IL1RAPL1: variants seen among roughly 807,000 people sequenced by gnomAD.
IL1RAPL1 encodes the protein interleukin-1 receptor accessory protein-like 1.
A neutral mutation model predicts 48.4 loss-of-function variants in IL1RAPL1; 3 were observed. The ratio of observed to expected loss-of-function variants is 0.06; its 90% CI spans 0.03 to 0.16. The LOEUF (loss-of-function observed/expected upper bound fraction) is 0.16. Among genes scored for constraint, IL1RAPL1 ranks in the 10% least tolerant of loss-of-function variants. IL1RAPL1 has a pLI of 1.00. For missense variants in IL1RAPL1, 349 were observed against 530.6 expected, an observed-to-expected ratio of 0.66 and a Z score of 3.36; for synonymous variants, 185 against 187.7, an observed-to-expected ratio of 0.99 and a Z score of 0.12.
intron 5 of IL1RAPL1, among the ~76,000 whole-genome samples, chrX:29,639,399 A>G: frequency 9.0e-6 from 1 of 110,986 alleles, no homozygotes. Flanking sequence ...GAATCTATGC[A>G]TAGTGTGGTG....
chrX:28,964,822 T>C (rs1366001872), intron 2 of IL1RAPL1, among the ~76,000 whole-genome samples: 2 of 111,742 alleles, frequency 1.8e-5, no homozygotes. Flanking sequence ...TTTCCATAAT[T>C]CTTTTTTTTC....
intron 5 of IL1RAPL1, among the ~76,000 whole-genome samples, chrX:29,446,019 C>G (rs1453326108): frequency 1.8e-5 from 2 of 112,057 alleles, no homozygotes; most frequent in Admixed American, 1.9e-4. Context: ...GAAAACTGCT[C>G]AAATTGAGAG....
chrX:28,918,985 A>G (rs1049585968), intron 2 of IL1RAPL1, among the ~76,000 whole-genome samples: 7 of 111,445 alleles, frequency 6.3e-5, no homozygotes, highest in Non-Finnish European at 1.3e-4. Context: ...ACTTGCTACT[A>G]AGTGGTGAAT....
At chrX:29,600,583 G>T (rs1923691372) in intron 5 of IL1RAPL1, among the ~76,000 whole-genome samples, 1 of 111,674 alleles carries the variant, frequency 9.0e-6, no homozygotes, top group Non-Finnish European at 1.9e-5. Context: ...GAGACACGTG[G>T]TTAAGTATTC....
At chrX:29,047,675 C>CA (rs1291050148) in intron 2 of IL1RAPL1, among the ~76,000 whole-genome samples, 3 of 110,142 alleles carry the variant, frequency 2.7e-5, no homozygotes, top group African/African-American at 9.9e-5. Flanking sequence ...CCACAGAGCC[C>CA]AAGTAATGTT....
At chrX:28,774,649 C>G in intron 1 of IL1RAPL1, among the ~76,000 whole-genome samples, 1 of 111,838 alleles carries the variant, frequency 8.9e-6, no homozygotes, top group Non-Finnish European at 1.9e-5. Flanking sequence ...AACTTAATCT[C>G]AGAAATGACA....
chrX:29,114,406 C>A (rs950366809), intron 2 of IL1RAPL1, among the ~76,000 whole-genome samples: 1 of 111,976 alleles, frequency 8.9e-6, no homozygotes, highest in South Asian at 3.7e-4. Context: ...GGCATACTTC[C>A]TTCATGGCTT....
At chrX:29,831,924 T>C (rs1159252757) in intron 6 of IL1RAPL1, among the ~76,000 whole-genome samples, 1 of 111,951 alleles carries the variant, frequency 8.9e-6, no homozygotes, top group Non-Finnish European at 1.9e-5. Flanking sequence ...TATTTATGAT[T>C]GTAGTTAATA....
intron 2 of IL1RAPL1, among the ~76,000 whole-genome samples, chrX:29,147,731 CA>C (rs1430653496): frequency 1.8e-5 from 2 of 111,961 alleles, no homozygotes; most frequent in African/African-American, 3.2e-5. Context: ...CTACCACATA[CA>C]AAGACTATTT....
intron 5 of IL1RAPL1, among the ~76,000 whole-genome samples, chrX:29,620,073 TAAATG>T (rs769129516): frequency 1.3e-4 from 15 of 111,813 alleles, no homozygotes; most frequent in Non-Finnish European, 2.5e-4. Flanking sequence ...AACAAAAAAT[TAAATG>T]TAAGGGTCAA....
Position 29,283,071 on chromosome X carries a change from C to T in IL1RAPL1, c.216C>T (p.Leu72=), listed in dbSNP as rs773831867. The change falls in exon 3 of 11, where the codon CTC becomes CTT. Residue 72 remains leucine, a synonymous_variant. Coordinates refer to ENST00000378993, the MANE Select transcript of IL1RAPL1 (RefSeq NM_014271.4). ...ACTCCCTTGCCCAAAGTGCTGGACT[C>T]AGTTTGATGTGGTACAAAAGTTCTG... The part of the protein sequence containing the change: ...TNYSLAQSAG[L]SLMWYKSSGP... 3.1e-5 allele frequency: 38 copies of T among 1,209,811 alleles called. No homozygotes were observed. The South Asian group carries it at 6.7e-4, about 21-fold the overall frequency.
chrX:29,918,144 A>AAAAAATAT (rs1555935868), intron 7 of IL1RAPL1, among the ~76,000 whole-genome samples: 1 of 23,761 alleles, frequency 4.2e-5, no homozygotes, highest in Non-Finnish European at 6.6e-5. Flanking sequence ...AAAAAAAAAA[A>AAAAAATAT]ATATATATAT....
At chrX:29,710,003 A>ACTT (rs1465342674) in intron 6 of IL1RAPL1, among the ~76,000 whole-genome samples, 1 of 111,917 alleles carries the variant, frequency 8.9e-6, no homozygotes, top group Non-Finnish European at 1.9e-5. Context: ...TTGTATGTTG[A>ACTT]CTTTATAACC....
At chrX:28,901,463 A>G in intron 2 of IL1RAPL1, among the ~76,000 whole-genome samples, 1 of 111,340 alleles carries the variant, frequency 9.0e-6, no homozygotes, top group Non-Finnish European at 1.9e-5. Flanking sequence ...CTATTTGGAC[A>G]TTTAATTTTT....
At chrX:28,833,207 C>G (rs975777774) in intron 2 of IL1RAPL1, among the ~76,000 whole-genome samples, 2 of 111,310 alleles carry the variant, frequency 1.8e-5, no homozygotes, top group African/African-American at 6.5e-5. Context: ...CCACATATTC[C>G]TTATCCAGTC....
At chrX:29,279,271 A>C (rs1014924984) in intron 2 of IL1RAPL1, among the ~76,000 whole-genome samples, 1 of 110,688 alleles carries the variant, frequency 9.0e-6, no homozygotes, top group Non-Finnish European at 1.9e-5. Context: ...CCACGTCTCT[A>C]CTAAAAATAC....
At chrX:29,171,900 T>C (rs1449686536) in intron 2 of IL1RAPL1, among the ~76,000 whole-genome samples, 1 of 112,606 alleles carries the variant, frequency 8.9e-6, no homozygotes, top group Non-Finnish European at 1.9e-5. Context: ...TTTTAATGGG[T>C]AAAATAGGGC....
At chrX:29,594,712 TTG>T (rs1314625622) in intron 5 of IL1RAPL1, among the ~76,000 whole-genome samples, 1 of 111,703 alleles carries the variant, frequency 9.0e-6, no homozygotes, top group Non-Finnish European at 1.9e-5. Flanking sequence ...GATTTTTTAT[TTG>T]TATTTATTTA....
At chrX:28,856,505 G>A (rs1373714895) in intron 2 of IL1RAPL1, among the ~76,000 whole-genome samples, 1 of 111,514 alleles carries the variant, frequency 9.0e-6, no homozygotes, top group Non-Finnish European at 1.9e-5. Context: ...TGTCAATCCT[G>A]TTGTACAGTA....
Sources: gnomAD v4.1 joint callset for allele counts (sites outside exome capture counted in the v4.1 genomes callset) on GRCh38, gnomAD v4.1.1 for gene constraint, MANE v1.5 for transcripts, NCBI Gene and HGNC (gene_info 2026-07-23, HGNC 2026-07-21) for gene names.